Variants in IL12RB2 observed in about 807,000 individuals in gnomAD.
IL12RB2 encodes the protein interleukin-12 receptor subunit beta-2.
A neutral mutation model predicts 89.4 loss-of-function variants in IL12RB2; 82 were observed. The observed-to-expected ratio is 0.92, with a 90% CI of 0.77 to 1.10. The LOEUF is 1.10. Ranked by LOEUF, IL12RB2 falls within the 50% of genes least tolerant of loss-of-function variation. The pLI, the probability that IL12RB2 is intolerant of heterozygous loss-of-function variation, is 0.00. For missense variants in IL12RB2, 963 were observed against 1,031.9 expected, an observed-to-expected ratio of 0.93 and a Z score of 0.92; for synonymous variants, 368 against 370.1, an observed-to-expected ratio of 0.99 and a Z score of 0.07.
At chr1:67,386,192 C>T (rs1665117058) in intron 14 of IL12RB2, among the ~76,000 whole-genome samples, 1 of 107,820 alleles carries the variant, frequency 9.3e-6, no homozygotes, top group Non-Finnish European at 1.7e-5. Flanking sequence ...CTGGGAGACA[C>T]AGTGAGACTC....
chr1:67,391,894 C>T (rs953977637), intron 16 of IL12RB2, among the ~76,000 whole-genome samples: 2 of 152,138 alleles, frequency 1.3e-5, no homozygotes, highest in African/African-American at 4.8e-5. Context: ...CCACCCGCCT[C>T]GGCCTCCCAA....
chr1:67,357,233 C>T (rs1483360711), intron 10 of IL12RB2, among the ~76,000 whole-genome samples: 2 of 152,130 alleles, frequency 1.3e-5, no homozygotes, highest in East Asian at 3.9e-4. Context: ...GAAAAATTAG[C>T]TGGGTGTGAT....
chr1:67,341,600 A>C (rs553099693), intron 9 of IL12RB2, among the ~76,000 whole-genome samples: 1 of 152,146 alleles, frequency 6.6e-6, no homozygotes, highest in East Asian at 1.9e-4. Flanking sequence ...AAGGAAGGAA[A>C]GAAAGAGAAA....
At chr1:67,385,311 G>C (rs1665016480) in intron 14 of IL12RB2, among the ~76,000 whole-genome samples, 1 of 152,202 alleles carries the variant, frequency 6.6e-6, no homozygotes. Flanking sequence ...GAGCAAAGCA[G>C]GGGTAAAGCC....
intron 8 of IL12RB2, among the ~76,000 whole-genome samples, chr1:67,337,913 A>AGAAAAG (rs1553313306): frequency 2.8e-5 from 4 of 144,706 alleles, no homozygotes; most frequent in African/African-American, 7.6e-5. Flanking sequence ...AAAAAAAAAA[A>AGAAAAG]AAAAGAAAAG....
chr1:67,354,264 T>C (rs776669786), intron 10 of IL12RB2, among the ~76,000 whole-genome samples: 7 of 151,998 alleles, frequency 4.6e-5, no homozygotes, highest in Non-Finnish European at 8.8e-5. Flanking sequence ...GGAGAGCAGG[T>C]GTGCAGGCGT....
intron 13 of IL12RB2, among the ~76,000 whole-genome samples, chr1:67,378,655 G>A (rs758882074): frequency 6.6e-6 from 1 of 150,816 alleles, no homozygotes; most frequent in Admixed American, 6.6e-5. Flanking sequence ...TTCGAGACCA[G>A]CCTGACCAAC....
chr1:67,341,497 GAGAAAGA>G (rs1444248855), intron 9 of IL12RB2, among the ~76,000 whole-genome samples: 1 of 126,678 alleles, frequency 7.9e-6, no homozygotes, highest in African/African-American at 2.8e-5. Context: ...AATAGAGAAA[GAGAAAGA>G]AGAAAGAAGG....
intron 13 of IL12RB2, among the ~76,000 whole-genome samples, chr1:67,373,213 A>G (rs10159263): frequency 0.47 from 71,259 of 152,106 alleles, 18,887 homozygotes; most frequent in Non-Finnish European, 0.58. Context: ...GGCTCAAGCA[A>G]TCCTCCTGCC....
rs1656323256 is a variant in IL12RB2, at chr1:67,320,326, T to C, written c.-36-7T>C. ...TTAACATGAATGAATTTGTCTTCTT[T>C]TGCAAGGAAGAATACGGAGTTCTAT... On this transcript the variant is annotated splice_region_variant and splice_polypyrimidine_tract_variant and intron_variant, in intron 2 of 16. Coordinates refer to ENST00000674203, the MANE Select transcript of IL12RB2 (RefSeq NM_001374259.2). 6.2e-7 allele frequency: 1 copy of C among 1,613,564 alleles called. No homozygotes were observed.
rs190197815 is a variant in IL12RB2, at chr1:67,329,849, C to T, written c.807+120C>T. The T allele has an allele frequency of 1.5e-4, 112 of 767,544 alleles. 1 individual carries two copies. In the Admixed American group the frequency reaches 1.5e-3, roughly 10 times the overall value. 47.5% of individuals were successfully genotyped at this position (767,544 alleles called of 1,614,324 possible). On this transcript the variant is annotated intron_variant, in intron 7 of 16. Transcript: ENST00000674203. The stretch of plus-strand genomic sequence containing the variant: ...AGAATATTTATCCCAAAAGTACACA[C>T]GAGAGAATTATCAGAAAGTCATGTA...
At chr1:67,355,288 C>A (rs1007271056) in intron 10 of IL12RB2, among the ~76,000 whole-genome samples, 1 of 150,872 alleles carries the variant, frequency 6.6e-6, no homozygotes, top group African/African-American at 2.4e-5. Context: ...GTAGTGTGCG[C>A]CTGTAGTCCC....
chr1:67,307,870 G>T (rs535591873), upstream of IL12RB2: 2 of 152,080 alleles, frequency 1.3e-5, no homozygotes, highest in African/African-American at 2.4e-5. Flanking sequence ...CCCGAGCGCC[G>T]GCAGAGAGCG....
chr1:67,329,209 T>C (rs1452155286), intron 6 of IL12RB2, among the ~76,000 whole-genome samples: 1 of 152,216 alleles, frequency 6.6e-6, no homozygotes, highest in Non-Finnish European at 1.5e-5. Context: ...CCTACGAACA[T>C]TTCTTCTCCT....
At chr1:67,330,088 T>C (rs1167890323) in intron 7 of IL12RB2, among the ~76,000 whole-genome samples, 1 of 152,146 alleles carries the variant, frequency 6.6e-6, no homozygotes, top group African/African-American at 2.4e-5. Context: ...TTATATAGAA[T>C]TTAATATTCC....
intron 9 of IL12RB2, among the ~76,000 whole-genome samples, chr1:67,350,014 G>T (rs2100837037): frequency 6.6e-6 from 1 of 152,330 alleles, no homozygotes; most frequent in South Asian, 2.1e-4. Context: ...GCTGACTACA[G>T]TGTGTCTTTC....
chr1:67,362,016 A>G (rs1662105795), intron 10 of IL12RB2, among the ~76,000 whole-genome samples: 1 of 152,126 alleles, frequency 6.6e-6, no homozygotes, highest in African/African-American at 2.4e-5. Context: ...CACGCGTGTA[A>G]TCCCAGCACT....
chr1:67,386,875 TATATATATATATATATATATATATATA>T (rs1665233189), intron 15 of IL12RB2, among the ~76,000 whole-genome samples: 4 of 19,972 alleles, frequency 2.0e-4, no homozygotes, highest in South Asian at 4.3e-3. Flanking sequence ...ATGTATTTTA[TATATATATATATATATATATATATATA>T]TATATATATA....
At chr1:67,377,900 C>T (rs974845649) in intron 13 of IL12RB2, among the ~76,000 whole-genome samples, 2 of 152,102 alleles carry the variant, frequency 1.3e-5, no homozygotes, top group South Asian at 2.1e-4. Flanking sequence ...CTGAGGCAGG[C>T]GGATCACCTG....
Sources: allele counts gnomAD v4.1 joint callset (sites outside exome capture counted in the v4.1 genomes callset), GRCh38; gene constraint gnomAD v4.1.1; transcripts MANE v1.5; gene names NCBI Gene and HGNC (gene_info 2026-07-23, HGNC 2026-07-21).